PSAP: variants seen among roughly 807,000 people sequenced by gnomAD.
PSAP encodes the protein precursor of saposins.
PSAP carries 25 observed loss-of-function variants against 66.0 expected under a neutral mutation model. The observed-to-expected ratio is 0.38, with a 90% CI of 0.28 to 0.53. The LOEUF is 0.53. Among genes scored for constraint, PSAP ranks in the 20% least tolerant of loss-of-function variants. The probability of loss-of-function intolerance (pLI) is 0.83; values close to 1 mark genes in which losing one functional copy is unlikely to be tolerated. For missense variants in PSAP, 649 were observed against 668.8 expected (o/e 0.97, Z 0.33); for synonymous variants, 273 against 258.9 (o/e 1.05, Z -0.52).
At chr10:71,833,016 C>CAAAAAAAAAAAAAAAA (rs781415981) in intron 2 of PSAP, among the ~76,000 whole-genome samples, 18 of 50,696 alleles carry the variant, frequency 3.6e-4, no homozygotes, top group African/African-American at 8.5e-4. Context: ...GAGTCCATCT[C>CAAAAAAAAAAAAAAAA]AAAAAAAAAA....
chr10:71,850,216 A>T (rs576004856), intron 1 of PSAP, among the ~76,000 whole-genome samples: 4 of 152,284 alleles, frequency 2.6e-5, no homozygotes, highest in Middle Eastern at 3.4e-3. Flanking sequence ...ATAATCAACT[A>T]AGAGCCAGTC....
At position 71,821,912 on chromosome 10, in the gene PSAP, A is replaced by G. The variant is rs1466243281; in HGVS notation, c.873T>C (p.Asn291=). The part of the protein sequence containing the change: ...TLVPAKVASK[N]VIPALELVEP... ...CCACCAGTTCCAGGGCAGGGATGAC[A>G]TTCTTGGAGGCCACTTTGGCGGGGA... The change falls in exon 8 of 14, where the codon AAT becomes AAC. Residue 291 remains asparagine, a synonymous_variant. Coordinates refer to ENST00000394936, the MANE Select transcript of PSAP (RefSeq NM_002778.4). 5.6e-6 allele frequency: 9 copies of G among 1,614,208 alleles called. No individual in the cohort carries two copies. The highest frequency in any genetic ancestry group is 1.1e-5 in the South Asian group (1 of 91,086).
intron 1 of PSAP, among the ~76,000 whole-genome samples, chr10:71,850,569 C>A (rs1842908439): frequency 6.6e-6 from 1 of 152,188 alleles, no homozygotes; most frequent in Non-Finnish European, 1.5e-5. Flanking sequence ...GTTCTCAGGA[C>A]CTCCTGAGGG....
At chr10:71,828,208 G>A (rs773709011) in intron 5 of PSAP, 51 bp from the exon 6 acceptor site, 2 of 1,603,108 alleles carry the variant, frequency 1.2e-6, no homozygotes, top group Non-Finnish European at 8.5e-7. Context: ...AAATTCCTAG[G>A]AAAACGTCCT....
Position 71,819,693 on chromosome 10 carries a change from C to G in PSAP, c.1192+21G>C, listed in dbSNP as rs746769481. 3.7e-6 allele frequency: 6 copies of G among 1,613,956 alleles called. No individual in the cohort carries two copies. The African/African-American group carries it at 6.7e-5, about 18-fold the overall frequency. Reference sequence around the variant, plus strand: ...ACCCAAGAGGGGCACCATCCTCTCCCGCACCACACCCAGCGCTCACCGGTC... The same window carrying G: ...ACCCAAGAGGGGCACCATCCTCTCCGGCACCACACCCAGCGCTCACCGGTC... On this transcript the variant is annotated intron_variant, in intron 10 of 13. Transcript: ENST00000394936.
rs1842178736 is a variant in PSAP at position 71,816,987 on chromosome 10, T to C, written c.*454A>G. ...AAACTGCCTTTGTTTTGCTGCTTTGTTCAACTGAGAGGCCCAGGAAAGCGG... is the reference window on the plus strand; with the variant it reads ...AAACTGCCTTTGTTTTGCTGCTTTGCTCAACTGAGAGGCCCAGGAAAGCGG... On this transcript the variant is annotated 3_prime_UTR_variant, in exon 14 of 14. Transcript: ENST00000394936. The C allele has an allele frequency of 4.4e-6, 1 of 228,932 alleles. No individual in the cohort carries two copies. The highest frequency in any genetic ancestry group is 8.8e-6 in the Non-Finnish European group (1 of 114,188). 14.2% of individuals were successfully genotyped at this position (228,932 alleles called of 1,614,324 possible). A position where few individuals can be genotyped will look rare whatever the true frequency, so the allele number is the denominator to read the frequency against.
chr10:71,848,660 C>T (rs1564828762), intron 1 of PSAP, among the ~76,000 whole-genome samples: 3 of 152,172 alleles, frequency 2.0e-5, no homozygotes, highest in African/African-American at 7.2e-5. Flanking sequence ...TTCTGTACTA[C>T]GACAGTGTCA....
At chr10:71,828,241 T>C (rs1234580835) in intron 5 of PSAP, 84 bp from the exon 6 acceptor site, 2 of 1,452,132 alleles carry the variant, frequency 1.4e-6, no homozygotes, top group Middle Eastern at 1.7e-4. Context: ...GCTGCAGCAT[T>C]AGGGGGCACT....
Position 71,819,731 on chromosome 10 carries a change from C to G in PSAP, c.1175G>C (p.Arg392Pro). 1 of 1,614,086 alleles carries G rather than the reference C, an allele frequency of 6.2e-7. No homozygotes were observed. Among genetic ancestry groups the G allele is most frequent in the East Asian group, 2.2e-5 (1 of 44,870 alleles). ...CSMLHLCSGT[R>P]LPALTVHVTQ... ...GCGCTCACCGGTCAGTGCAGGCAGC[C>G]GCGTGCCAGAGCAGAGGTGCAGCAT... is the stretch of plus-strand genomic sequence containing the variant. Residue 392 changes from arginine to proline, a missense_variant, in exon 10 of 14, where the codon CGG becomes CCG. Transcript: ENST00000394936.
intron 4 of PSAP, 62 bp downstream of exon 4, chr10:71,831,064 G>A: frequency 1.9e-6 from 3 of 1,606,746 alleles, no homozygotes; most frequent in Non-Finnish European, 1.7e-6. Context: ...TCTACTCTGG[G>A]CCACTGCCTC....
At chr10:71,827,261 T>C (rs1356141610) in intron 6 of PSAP, among the ~76,000 whole-genome samples, 2 of 151,724 alleles carry the variant, frequency 1.3e-5, no homozygotes, top group African/African-American at 4.8e-5. Flanking sequence ...TAGCCGGGCA[T>C]GGTGGCGGGC....
intron 6 of PSAP, among the ~76,000 whole-genome samples, chr10:71,827,437 G>T (rs1165952710): frequency 2.0e-5 from 3 of 148,870 alleles, no homozygotes; most frequent in African/African-American, 4.9e-5. Context: ...AGAAAAAAAT[G>T]GGGTAAAGGC....
intron 7 of PSAP, 129 bp downstream of exon 7, chr10:71,825,708 C>T (rs772053680): frequency 2.4e-6 from 2 of 839,160 alleles, no homozygotes; most frequent in Non-Finnish European, 4.0e-6. Flanking sequence ...CCAGAGGGGT[C>T]GATTTAGCCC....
At chr10:71,823,943 G>GA (rs1341141913) in intron 7 of PSAP, 1 of 1,273,120 alleles carries the variant, frequency 7.9e-7, no homozygotes, top group Non-Finnish European at 1.0e-6. Flanking sequence ...TAAGAGAAAG[G>GA]AAAGGACACA....
At chr10:71,824,258 G>T (rs192433457) in intron 7 of PSAP, among the ~76,000 whole-genome samples, 1 of 152,144 alleles carries the variant, frequency 6.6e-6, no homozygotes, top group African/African-American at 2.4e-5. Flanking sequence ...CACTGGCCCC[G>T]GGCCCACAAG....
In PSAP at chr10:71,816,509, G is replaced by A. The variant is rs1194634933; in HGVS notation, c.*932C>T. The A allele has an allele frequency of 3.5e-5, 16 of 463,714 alleles. No individual in the cohort carries two copies. Among genetic ancestry groups the A allele is most frequent in the Middle Eastern group, 3.2e-4 (1 of 3,084 alleles). 28.7% of individuals were successfully genotyped at this position (463,714 alleles called of 1,614,324 possible). On this transcript the variant is annotated 3_prime_UTR_variant, in exon 14 of 14. Coordinates refer to ENST00000394936, the MANE Select transcript of PSAP (RefSeq NM_002778.4). ...CCAATCCACACCCAGCAGACCCTTC[G>A]GCATGCCGCCCTCTACCAGGAAGCC...
Position 71,831,255 on chromosome 10 carries a change from C to T in PSAP, c.250-4G>A, listed in dbSNP as rs568499058. On this transcript the variant is annotated splice_region_variant and splice_polypyrimidine_tract_variant and intron_variant, in intron 3 of 13. Coordinates refer to ENST00000394936, the MANE Select transcript of PSAP (RefSeq NM_002778.4). ...CCAAGTAAACAAGGATCTCCTCCTA[C>T]GAGAGGACACCAGGGTCAGAATCAC... 1.7e-5 allele frequency: 27 copies of T among 1,613,604 alleles called. No homozygotes were observed. Among genetic ancestry groups the T allele is most frequent in the Middle Eastern group, 1.7e-4 (1 of 6,012 alleles).
intron 1 of PSAP, among the ~76,000 whole-genome samples, chr10:71,846,390 A>C (rs1842823722): frequency 6.6e-6 from 1 of 151,434 alleles, no homozygotes; most frequent in Non-Finnish European, 1.5e-5. Flanking sequence ...TCTTCATCCC[A>C]ATCACTGTAT....
chr10:71,817,627 C>T, intron 13 of PSAP, 151 bp from the exon 14 acceptor site: 1 of 795,208 alleles, frequency 1.3e-6, no homozygotes, highest in Non-Finnish European at 2.2e-6. Context: ...AGGACAGGAT[C>T]TCACTTAAAA....
Sources: allele counts gnomAD v4.1 joint callset (sites outside exome capture counted in the v4.1 genomes callset), GRCh38; gene constraint gnomAD v4.1.1; transcripts MANE v1.5; gene names NCBI Gene and HGNC (gene_info 2026-07-23, HGNC 2026-07-21).